CLVS1: variants seen among roughly 807,000 people sequenced by gnomAD.
The protein encoded by CLVS1 is clavesin-1.
A neutral mutation model predicts 33.1 loss-of-function variants in CLVS1; 10 were observed. That is an observed-to-expected ratio of 0.30 (90% CI 0.19 to 0.51). The LOEUF is 0.51. Ranked by LOEUF, CLVS1 falls within the 20% of genes least tolerant of loss-of-function variation. CLVS1 has a pLI of 0.97. For missense variants in CLVS1, 343 were observed against 433.4 expected, an observed-to-expected ratio of 0.79 and a Z score of 1.85; for synonymous variants, 163 against 166.1, an observed-to-expected ratio of 0.98 and a Z score of 0.14.
At chr8:61,302,606 A>T (rs1810477347) in intron 2 of CLVS1, among the ~76,000 whole-genome samples, 2 of 152,218 alleles carry the variant, frequency 1.3e-5, no homozygotes, top group African/African-American at 4.8e-5. Flanking sequence ...CATCAGTGTA[A>T]ACTAGAGGCA....
At chr8:61,123,567 G>C (rs771317754) in intron 1 of CLVS1, among the ~76,000 whole-genome samples, 1 of 152,086 alleles carries the variant, frequency 6.6e-6, no homozygotes, top group African/African-American at 2.4e-5. Flanking sequence ...TTTCCCCAAG[G>C]TTTCAAAATA....
intron 2 of CLVS1, among the ~76,000 whole-genome samples, chr8:61,190,544 G>A (rs1807446738): frequency 1.3e-5 from 2 of 151,810 alleles, no homozygotes; most frequent in Admixed American, 6.6e-5. Context: ...TGAAGGAGTT[G>A]GGGACACAAA....
At chr8:61,474,350 G>C (rs1311863380) in intron 5 of CLVS1, among the ~76,000 whole-genome samples, 2 of 152,184 alleles carry the variant, frequency 1.3e-5, no homozygotes, top group Non-Finnish European at 2.9e-5. Context: ...AAGAGCTGTG[G>C]TGGAGTCACA....
intron 5 of CLVS1, among the ~76,000 whole-genome samples, chr8:61,472,797 T>A (rs1056602840): frequency 6.6e-6 from 1 of 152,156 alleles, no homozygotes; most frequent in Non-Finnish European, 1.5e-5. Flanking sequence ...AGTAGCTACC[T>A]CTCTGTGGCC....
chr8:61,153,569 C>T (rs1806586575), intron 2 of CLVS1, among the ~76,000 whole-genome samples: 1 of 152,110 alleles, frequency 6.6e-6, no homozygotes, highest in South Asian at 2.1e-4. Flanking sequence ...TAAAATCCTC[C>T]AATAAGAATA....
At chr8:61,175,778 A>ATTCT (rs1315643113) in intron 2 of CLVS1, among the ~76,000 whole-genome samples, 1 of 152,206 alleles carries the variant, frequency 6.6e-6, no homozygotes, top group Non-Finnish European at 1.5e-5. Context: ...CCCTGCTGAC[A>ATTCT]TTCTCAGACT....
chr8:60,996,530 G>A, the CLVS1 span, among the ~76,000 whole-genome samples: 38 of 152,324 alleles, frequency 2.5e-4, no homozygotes, highest in Non-Finnish European at 2.9e-4. Flanking sequence ...CTTTTAGCTG[G>A]ATCATTCTCT....
chr8:61,415,861 A>T (rs1815409793), intron 3 of CLVS1, among the ~76,000 whole-genome samples: 2 of 152,326 alleles, frequency 1.3e-5, no homozygotes, highest in South Asian at 4.1e-4. Context: ...TTTATTTCCT[A>T]TCTCCATTGA....
chr8:61,490,897 G>T (rs1804051948), intron 5 of CLVS1, among the ~76,000 whole-genome samples: 1 of 142,132 alleles, frequency 7.0e-6, no homozygotes, highest in South Asian at 2.3e-4. Flanking sequence ...GAAGGCAGAG[G>T]TTACAGTGAG....
chr8:61,160,501 A>G (rs1012919585), intron 2 of CLVS1, among the ~76,000 whole-genome samples: 6 of 152,198 alleles, frequency 3.9e-5, no homozygotes, highest in African/African-American at 1.2e-4. Context: ...GCAGAAGGAA[A>G]ATGGAAAAAG....
chr8:61,448,678 C>T (rs1366789529), intron 3 of CLVS1, among the ~76,000 whole-genome samples: 1 of 151,406 alleles, frequency 6.6e-6, no homozygotes, highest in Non-Finnish European at 1.5e-5. Context: ...GAGTCTGAGA[C>T]CAGCCTGGGC....
At chr8:61,384,332 A>T (rs956828054) in intron 3 of CLVS1, among the ~76,000 whole-genome samples, 4 of 152,222 alleles carry the variant, frequency 2.6e-5, no homozygotes, top group African/African-American at 9.6e-5. Context: ...TATATTTCAC[A>T]TGGGATTAAT....
intron 2 of CLVS1, among the ~76,000 whole-genome samples, chr8:61,235,073 G>A (rs1161708607): frequency 6.6e-6 from 1 of 152,188 alleles, no homozygotes; most frequent in Non-Finnish European, 1.5e-5. Context: ...ACTTAAATAG[G>A]CAGTCTAGGG....
chr8:61,366,028 C>T (rs185350775), intron 2 of CLVS1, among the ~76,000 whole-genome samples: 40 of 152,240 alleles, frequency 2.6e-4, no homozygotes, highest in African/African-American at 9.1e-4. Flanking sequence ...AGATCCTCAG[C>T]CAAGGGATTT....
chr8:61,398,043 C>T (rs1814599510), intron 3 of CLVS1, among the ~76,000 whole-genome samples: 1 of 152,078 alleles, frequency 6.6e-6, no homozygotes, highest in South Asian at 2.1e-4. Context: ...AAAAAAGGAG[C>T]TTGGATTTGG....
intron 1 of CLVS1, among the ~76,000 whole-genome samples, chr8:61,069,029 C>T (rs564124853): frequency 2.0e-4 from 31 of 152,222 alleles, no homozygotes; most frequent in Middle Eastern, 3.4e-3. Context: ...TGCAGTGGCA[C>T]GATCTCGGCT....
chr8:61,233,826 G>T (rs985395663), intron 2 of CLVS1, among the ~76,000 whole-genome samples: 1 of 152,258 alleles, frequency 6.6e-6, no homozygotes, highest in Non-Finnish European at 1.5e-5. Context: ...TCTGCCTGGT[G>T]GGTGAATCAG....
the CLVS1 span, among the ~76,000 whole-genome samples, chr8:60,979,701 C>T: frequency 6.6e-6 from 1 of 152,130 alleles, no homozygotes; most frequent in African/African-American, 2.4e-5. Flanking sequence ...GGAAGTGGTG[C>T]TTAGAAAGAC....
chr8:61,431,650 A>G (rs765145835), intron 3 of CLVS1, among the ~76,000 whole-genome samples: 1 of 151,374 alleles, frequency 6.6e-6, no homozygotes, highest in Non-Finnish European at 1.5e-5. Context: ...CTACTTTTTA[A>G]TTTGTTTATT....
Sources: allele counts gnomAD v4.1 joint callset (sites outside exome capture counted in the v4.1 genomes callset), GRCh38; gene constraint gnomAD v4.1.1; transcripts MANE v1.5; gene names NCBI Gene and HGNC (gene_info 2026-07-23, HGNC 2026-07-21).